SLC30A7: variants seen among roughly 807,000 people sequenced by gnomAD.
The protein encoded by SLC30A7 is zinc transporter 7.
In SLC30A7, 35 loss-of-function variants were observed where a neutral mutation model predicts 46.0. The ratio of observed to expected loss-of-function variants is 0.76; its 90% CI spans 0.58 to 1.01. SLC30A7 has a LOEUF of 1.01. SLC30A7 is among the 50% of genes least tolerant of loss of function. SLC30A7 has a pLI of 0.00. For synonymous variants in SLC30A7, 147 were observed against 157.8 expected (o/e 0.93, Z 0.51); for missense variants, 464 against 451.1 (o/e 1.03, Z -0.26).
chr1:100,945,111 C>T (rs1321984680), intron 8 of SLC30A7, among the ~76,000 whole-genome samples: 3 of 152,094 alleles, frequency 2.0e-5, no homozygotes, highest in Non-Finnish European at 4.4e-5. Flanking sequence ...CTGTTCATAT[C>T]CTTCTCCCAC....
At chr1:100,902,678 G>T (rs750148688) in intron 2 of SLC30A7, among the ~76,000 whole-genome samples, 3 of 152,158 alleles carry the variant, frequency 2.0e-5, no homozygotes, top group Non-Finnish European at 4.4e-5. Flanking sequence ...AGTAATCTTG[G>T]ACAGTCTTTG....
chr1:100,988,530 C>A, the SLC30A7 span, among the ~76,000 whole-genome samples: 1 of 152,298 alleles, frequency 6.6e-6, no homozygotes, highest in East Asian at 1.9e-4. Flanking sequence ...GTACTTGGCT[C>A]TCTCCCCTTC....
intron 8 of SLC30A7, among the ~76,000 whole-genome samples, chr1:100,940,487 T>C (rs1654273185): frequency 6.6e-6 from 1 of 152,118 alleles, no homozygotes; most frequent in Admixed American, 6.6e-5. Context: ...CACAATAAAT[T>C]AGAGTAAGTA....
intron 10 of SLC30A7, chr1:100,972,219 C>T (rs916180973): frequency 5.8e-5 from 15 of 259,598 alleles, no homozygotes; most frequent in African/African-American, 2.8e-4. Flanking sequence ...ACTTAGTTTG[C>T]ATTCAGAGAG....
intron 9 of SLC30A7, among the ~76,000 whole-genome samples, chr1:100,964,626 A>T (rs891025126): frequency 7.9e-5 from 12 of 152,160 alleles, no homozygotes; most frequent in African/African-American, 2.9e-4. Flanking sequence ...CCATTTTTTA[A>T]TTTGTAAAAT....
chr1:100,967,515 C>G (rs919993253), intron 10 of SLC30A7, among the ~76,000 whole-genome samples: 12 of 152,224 alleles, frequency 7.9e-5, no homozygotes, highest in Middle Eastern at 3.4e-3. Flanking sequence ...ACACATAGAT[C>G]TAATGAAGAA....
At chr1:100,915,175 T>C (rs1337563258) in intron 6 of SLC30A7, among the ~76,000 whole-genome samples, 1 of 129,956 alleles carries the variant, frequency 7.7e-6, no homozygotes, top group Non-Finnish European at 1.7e-5. Flanking sequence ...TCTTTTCTTT[T>C]TTCTTTTCTT....
chr1:100,910,263 G>A (rs969389705), intron 3 of SLC30A7, among the ~76,000 whole-genome samples: 1 of 152,010 alleles, frequency 6.6e-6, no homozygotes, highest in African/African-American at 2.4e-5. Flanking sequence ...CCCTTTGAAT[G>A]ATGTTTGAAC....
intron 10 of SLC30A7, among the ~76,000 whole-genome samples, chr1:100,967,280 A>T (rs565446354): frequency 3.9e-4 from 60 of 152,022 alleles, no homozygotes; most frequent in Non-Finnish European, 2.9e-4. Flanking sequence ...CAGGGGTTGG[A>T]GGTGGTGGTG....
intron 8 of SLC30A7, among the ~76,000 whole-genome samples, chr1:100,950,002 GCT>G (rs1406647375): frequency 1.3e-5 from 2 of 152,180 alleles, no homozygotes; most frequent in Non-Finnish European, 2.9e-5. Flanking sequence ...GCTTCAGCTC[GCT>G]CTCTGCAGGG....
intron 3 of SLC30A7, among the ~76,000 whole-genome samples, chr1:100,908,418 T>C (rs1651836071): frequency 6.6e-6 from 1 of 152,212 alleles, no homozygotes; most frequent in South Asian, 2.1e-4. Flanking sequence ...CAAACAGTTC[T>C]GTAAAAATAC....
At position 100,980,210 on chromosome 1, in the gene SLC30A7, C is replaced by CCTTA; in HGVS notation, c.*5354_*5357dup. On this transcript the variant is annotated 3_prime_UTR_variant, in exon 11 of 11. Transcript: ENST00000357650. ...AGAAACTGAATTTCTATCCAAGAGA[C>CCTTA]CTTAATTTAGTTTATTAGGGAATTA... The CCTTA allele has an allele frequency of 6.6e-6, 1 of 151,980 alleles. No homozygotes were observed. Among genetic ancestry groups the CCTTA allele is most frequent in the Admixed American group, 6.6e-5 (1 of 15,258 alleles). The allele number at this position is 151,980 out of a possible 1,614,324, so 9.4% of individuals were successfully genotyped here.
At position 100,965,802 on chromosome 1, in the gene SLC30A7, G is replaced by T; in HGVS notation, c.967G>T (p.Glu323Ter). 1 of 1,613,850 alleles carries T rather than the reference G, an allele frequency of 6.2e-7. No individual in the cohort carries two copies. Among genetic ancestry groups the T allele is most frequent in the Middle Eastern group, 1.6e-4 (1 of 6,062 alleles). ...QQLQGVYSLQ[E>*]QHFWTLCSDV... ...GTTGCAAGGAGTTTACAGTTTACAG[G>T]AACAGCACTTCTGGACTTTATGTTC... The change falls in exon 10 of 11, where the codon GAA becomes TAA. Residue 323 changes from glutamate (E) to a stop codon, truncating the protein, a stop_gained. Transcript: ENST00000357650. LOFTEE classifies it high-confidence loss of function.
At chr1:100,995,022 T>C in the SLC30A7 span, 3 of 918,448 alleles carry the variant, frequency 3.3e-6, no homozygotes, top group Non-Finnish European at 5.2e-6. Flanking sequence ...TTTTCAACCA[T>C]CTTTAGAACT....
intron 10 of SLC30A7, 95 bp from the exon 11 acceptor site, chr1:100,974,715 G>T: frequency 2.3e-6 from 2 of 858,464 alleles, no homozygotes; most frequent in Non-Finnish European, 3.4e-6. Context: ...TTTTAAAAAA[G>T]TGAGATTTGT....
intron 8 of SLC30A7, among the ~76,000 whole-genome samples, chr1:100,953,555 A>G (rs1304662580): frequency 2.0e-5 from 3 of 152,186 alleles, no homozygotes; most frequent in Non-Finnish European, 2.9e-5. Context: ...ATTTGCCTAA[A>G]GAGCTTGTTC....
At chr1:100,896,829 G>T (rs1650995858) in intron 2 of SLC30A7, among the ~76,000 whole-genome samples, 158 bp downstream of exon 2, 1 of 152,058 alleles carries the variant, frequency 6.6e-6, no homozygotes, top group Non-Finnish European at 1.5e-5. Context: ...CACCAATCTG[G>T]TAGGGCTACA....
the SLC30A7 span, among the ~76,000 whole-genome samples, chr1:100,991,855 G>C: frequency 6.6e-6 from 1 of 150,760 alleles, no homozygotes; most frequent in African/African-American, 2.4e-5. Context: ...CCAACACTTT[G>C]GGAGGCTTTG....
chr1:100,957,256 A>G (rs1043405279), intron 8 of SLC30A7, among the ~76,000 whole-genome samples: 1 of 152,218 alleles, frequency 6.6e-6, no homozygotes, highest in Non-Finnish European at 1.5e-5. Context: ...GATATATAGT[A>G]GTAGATCCTT....
Sources: allele counts gnomAD v4.1 joint callset (sites outside exome capture counted in the v4.1 genomes callset), GRCh38; gene constraint gnomAD v4.1.1; transcripts MANE v1.5; gene names NCBI Gene and HGNC (gene_info 2026-07-23, HGNC 2026-07-21).